MMUT: variants seen among roughly 807,000 people sequenced by gnomAD.
MMUT encodes methylmalonyl-CoA mutase.
In MMUT, 79 loss-of-function variants were observed where a neutral mutation model predicts 79.9. The ratio of observed to expected loss-of-function variants is 0.99; its 90% CI spans 0.82 to 1.19. The LOEUF is 1.19. MMUT is among the 50% of genes most tolerant of loss of function. MMUT has a pLI of 0.00. For synonymous variants in MMUT, 273 were observed against 295.7 expected (o/e 0.92, Z 0.79); for missense variants, 860 against 917.2 (o/e 0.94, Z 0.81).
At chr6:49,435,684 C>G in intron 11 of MMUT, 61 bp from the exon 12 acceptor site, 16 of 1,537,838 alleles carry the variant, frequency 1.0e-5, no homozygotes, top group Non-Finnish European at 1.4e-5. Flanking sequence ...CTATAAAAAC[C>G]CTGGAAGACA....
intron 1 of MMUT, among the ~76,000 whole-genome samples, chr6:49,462,894 G>A (rs1767892418): frequency 6.6e-6 from 1 of 152,176 alleles, no homozygotes; most frequent in African/African-American, 2.4e-5. Context: ...GAATTGCCAG[G>A]GACTTCGCCC....
chr6:49,451,649 C>CT lies in MMUT; in HGVS notation c.1148dup (p.Ser384ValfsTer8), dbSNP rs771021560. The CT allele has an allele frequency of 6.2e-7, 1 of 1,614,108 alleles. No individual in the cohort carries two copies. Among genetic ancestry groups the CT allele is most frequent in the South Asian group, 1.1e-5 (1 of 91,082 alleles). On this transcript the variant is annotated frameshift_variant, in exon 6 of 13. Coordinates refer to ENST00000274813, the MANE Select transcript of MMUT (RefSeq NM_000255.4). LOFTEE classifies it high-confidence loss of function. The stretch of plus-strand genomic sequence containing the variant: ...CATCAAAAGAATTTGTGTGCAAAGA[C>CT]TGAGTCCCTCCAAATACTGCTGCCA...
chr6:49,435,666 G>C (rs1373631649), intron 11 of MMUT, 43 bp from the exon 12 acceptor site: 4 of 1,577,780 alleles, frequency 2.5e-6, no homozygotes, highest in Non-Finnish European at 3.5e-6. Flanking sequence ...TTTATTACTA[G>C]ATAATGACTA....
intron 11 of MMUT, among the ~76,000 whole-genome samples, chr6:49,437,261 T>A (rs1231501317): frequency 1.3e-5 from 2 of 152,074 alleles, no homozygotes; most frequent in African/African-American, 4.8e-5. Flanking sequence ...AATAACTCAA[T>A]CCCTAATTTT....
intron 4 of MMUT, 94 bp downstream of exon 4, chr6:49,455,986 T>C: frequency 9.1e-7 from 1 of 1,103,400 alleles, no homozygotes; most frequent in Non-Finnish European, 1.3e-6. Flanking sequence ...AAATCTAGCC[T>C]GACATTTATA....
At chr6:49,458,711 C>T (rs765222625) in intron 2 of MMUT, among the ~76,000 whole-genome samples, 5 of 152,290 alleles carry the variant, frequency 3.3e-5, no homozygotes, top group East Asian at 1.9e-4. Flanking sequence ...GTTTGTACCA[C>T]GTTATCACAT....
At position 49,451,729 on chromosome 6, in the gene MMUT, A is replaced by G. The variant is rs751208293; in HGVS notation, c.1084-15T>C. On this transcript the variant is annotated splice_polypyrimidine_tract_variant and intron_variant, in intron 5 of 12. Coordinates refer to ENST00000274813, the MANE Select transcript of MMUT (RefSeq NM_000255.4). The stretch of plus-strand genomic sequence containing the variant: ...TTGTAGGGATCCTAAAATATTTGAT[A>G]AAAAACAAAAACTCAAAGAAACAGG... 47 of 1,612,232 alleles carry G rather than the reference A, an allele frequency of 2.9e-5. No individual in the cohort carries two copies. The highest frequency in any genetic ancestry group is 3.7e-5 in the Non-Finnish European group (44 of 1,178,760).
chr6:49,440,737 A>G (rs1767253108), intron 10 of MMUT, among the ~76,000 whole-genome samples: 1 of 152,178 alleles, frequency 6.6e-6, no homozygotes, highest in Non-Finnish European at 1.5e-5. Context: ...GATGGCACAG[A>G]CTGTAAGCAC....
chr6:49,444,952 C>T (rs1767375648), intron 8 of MMUT, among the ~76,000 whole-genome samples, 198 bp from the exon 9 acceptor site: 1 of 151,872 alleles, frequency 6.6e-6, no homozygotes, highest in Non-Finnish European at 1.5e-5. Flanking sequence ...TCAGGATTTC[C>T]TAAAATAATA....
rs529285235 is a variant in MMUT at position 49,432,481 on chromosome 6, G to A, written c.2125-625C>T. Among the ~76,000 whole-genome samples the A allele has an allele frequency of 4.8e-3, 737 of 152,046 alleles. 3 individuals carry two copies. Among genetic ancestry groups the A allele is most frequent in the African/African-American group, 0.016 (666 of 41,480 alleles). ...CGGCTCACTGCAAGCTCCGCCTCCC[G>A]GGTTCACGCCATTCTCCTGCCTCAG... On this transcript the variant is annotated intron_variant, in intron 12 of 12. Transcript: ENST00000274813.
intron 11 of MMUT, among the ~76,000 whole-genome samples, chr6:49,437,869 A>G (rs988733182): frequency 6.6e-6 from 1 of 152,106 alleles, no homozygotes; most frequent in Non-Finnish European, 1.5e-5. Flanking sequence ...TGAAACAAAC[A>G]TAAGTTTTAA....
At chr6:49,446,096 T>G (rs531588127) in intron 8 of MMUT, among the ~76,000 whole-genome samples, 19 of 152,042 alleles carry the variant, frequency 1.2e-4, no homozygotes, top group Non-Finnish European at 1.9e-4. Flanking sequence ...TTAGGTAGTT[T>G]GCTATAATTA....
chr6:49,434,347 C>T (rs1197802439), intron 12 of MMUT, among the ~76,000 whole-genome samples: 2 of 152,110 alleles, frequency 1.3e-5, no homozygotes, highest in African/African-American at 2.4e-5. Context: ...AGTAGCCCCA[C>T]TTTATTACGA....
Position 49,454,723 on chromosome 6 carries a change from A to G in MMUT, c.912-967T>C, listed in dbSNP as rs191120691. 2.9e-3 allele frequency among the ~76,000 whole-genome samples: 436 copies of G among 152,298 alleles called. 1 individual carries two copies. Among genetic ancestry groups the G allele is most frequent in the African/African-American group, 6.8e-3 (282 of 41,558 alleles). On this transcript the variant is annotated intron_variant, in intron 4 of 12. Coordinates refer to ENST00000274813, the MANE Select transcript of MMUT (RefSeq NM_000255.4). ...TTATTTCTTTATTTGTATAATATCTATCAATATTTTATTTACTAGTTCATT... is the reference window on the plus strand; with the variant it reads ...TTATTTCTTTATTTGTATAATATCTGTCAATATTTTATTTACTAGTTCATT...
At chr6:49,435,894 C>A (rs1043166880) in intron 11 of MMUT, among the ~76,000 whole-genome samples, 1 of 152,096 alleles carries the variant, frequency 6.6e-6, no homozygotes, top group African/African-American at 2.4e-5. Context: ...GTGAATCTGA[C>A]AAAGGTCTAA....
intron 11 of MMUT, among the ~76,000 whole-genome samples, chr6:49,439,218 G>A (rs1415648297): frequency 6.6e-6 from 1 of 152,138 alleles, no homozygotes; most frequent in African/African-American, 2.4e-5. Context: ...TTCATGATAG[G>A]CAGTTCTGGT....
intron 1 of MMUT, among the ~76,000 whole-genome samples, chr6:49,460,308 G>A (rs1334527032): frequency 6.6e-6 from 1 of 152,184 alleles, no homozygotes; most frequent in Non-Finnish European, 1.5e-5. Context: ...AGGAAACTGA[G>A]GCACAGAAGA....
intron 10 of MMUT, 23 bp from the exon 11 acceptor site, chr6:49,440,376 T>A: frequency 6.2e-7 from 1 of 1,610,688 alleles, no homozygotes; most frequent in Non-Finnish European, 8.5e-7. Context: ...TAAAAATATA[T>A]CAGTAGTTAG....
In MMUT at chr6:49,431,195, T is replaced by C. The variant is rs1052155687; in HGVS notation, c.*533A>G. On this transcript the variant is annotated 3_prime_UTR_variant, in exon 13 of 13. Transcript: ENST00000274813. ...TCCAACCTGCTGTGCTTGATTTTAA[T>C]ACTTCTTTTATTAAGGTGATTCTGG... The C allele has an allele frequency of 6.6e-6, 1 of 152,660 alleles. No individual in the cohort carries two copies. Among genetic ancestry groups the C allele is most frequent in the Non-Finnish European group, 1.5e-5 (1 of 68,402 alleles). 9.5% of individuals were successfully genotyped at this position (152,660 alleles called of 1,614,324 possible).
Sources: gnomAD v4.1 joint callset for allele counts (sites outside exome capture counted in the v4.1 genomes callset) on GRCh38, gnomAD v4.1.1 for gene constraint, MANE v1.5 for transcripts, NCBI Gene and HGNC (gene_info 2026-07-23, HGNC 2026-07-21) for gene names.